Variants in KAZN observed in about 807,000 individuals in gnomAD.
The protein encoded by KAZN is kazrin.
KAZN carries 40 observed loss-of-function variants against 87.4 expected under a neutral mutation model. That is an observed-to-expected ratio of 0.46 (90% CI 0.36 to 0.60). KAZN has a LOEUF of 0.60. KAZN is among the 20% of genes least tolerant of loss of function. KAZN has a pLI of 0.00. For missense variants in KAZN, 898 were observed against 1,073.9 expected (o/e 0.84, Z 2.29); for synonymous variants, 466 against 458.3 (o/e 1.02, Z -0.22).
intron 2 of KAZN, among the ~76,000 whole-genome samples, chr1:14,436,737 A>C (rs1382698300): frequency 6.6e-6 from 1 of 150,912 alleles, no homozygotes; most frequent in Non-Finnish European, 1.5e-5. Context: ...AAAAAAAAAA[A>C]ACCTTAAAAC....
chr1:14,299,144 A>G (rs1301179121), intron 2 of KAZN, among the ~76,000 whole-genome samples: 3 of 152,234 alleles, frequency 2.0e-5, no homozygotes, highest in Non-Finnish European at 2.9e-5. Flanking sequence ...AAACACAAAC[A>G]TGATTCCTAC....
At chr1:14,476,782 T>G (rs1054099302) in intron 2 of KAZN, among the ~76,000 whole-genome samples, 35 of 152,208 alleles carry the variant, frequency 2.3e-4, no homozygotes, top group African/African-American at 8.2e-4. Flanking sequence ...TTCCAAATTC[T>G]TTGCTGCACC....
chr1:13,976,973 A>T (rs940374170), intron 1 of KAZN, among the ~76,000 whole-genome samples: 1 of 152,192 alleles, frequency 6.6e-6, no homozygotes, highest in Non-Finnish European at 1.5e-5. Context: ...ATTTTTCTTC[A>T]TCTTAGTAGG....
At position 15,077,657 on chromosome 1, in the gene KAZN, G is replaced by T. The variant is rs1639818891; in HGVS notation, c.1222+11904G>T. 6.6e-6 allele frequency among the ~76,000 whole-genome samples: 1 copy of T among 152,220 alleles called. No homozygotes were observed. The highest frequency in any genetic ancestry group is 1.5e-5 in the Non-Finnish European group (1 of 68,038). On this transcript the variant is annotated intron_variant, in intron 8 of 14. Transcript: ENST00000376030. The surrounding 1 kb of genome is among the most constrained non-coding windows in gnomAD (Gnocchi z 4.8). ...GAGTCTCTGGGACTCAGAGATGGGGGTTGGGGGTTTCACCTTCAGGTGAAG... is the reference window on the plus strand; with the variant it reads ...GAGTCTCTGGGACTCAGAGATGGGGTTTGGGGGTTTCACCTTCAGGTGAAG...
At chr1:15,051,060 T>C (rs370568415) in intron 4 of KAZN, among the ~76,000 whole-genome samples, 2 of 152,220 alleles carry the variant, frequency 1.3e-5, no homozygotes, top group East Asian at 1.9e-4. Context: ...CAGTGCCCGT[T>C]TGGCGCAGTG....
intron 2 of KAZN, among the ~76,000 whole-genome samples, chr1:14,970,142 A>G (rs950815109): frequency 2.0e-5 from 3 of 152,162 alleles, no homozygotes; most frequent in Non-Finnish European, 4.4e-5. Flanking sequence ...ATAATTAATA[A>G]TCATCATCAT....
intron 1 of KAZN, among the ~76,000 whole-genome samples, chr1:14,034,113 T>C (rs1185516738): frequency 1.3e-5 from 2 of 152,250 alleles, no homozygotes; most frequent in Non-Finnish European, 2.9e-5. Flanking sequence ...AAATCTCCGC[T>C]ATGGGTAATA....
At chr1:14,669,973 G>T (rs1639816752) in intron 1 of KAZN, among the ~76,000 whole-genome samples, 1 of 152,052 alleles carries the variant, frequency 6.6e-6, no homozygotes, top group Non-Finnish European at 1.5e-5. Context: ...TTGACTTGAG[G>T]AGTCATCTTT....
chr1:14,464,677 T>C (rs1668022666), intron 2 of KAZN, among the ~76,000 whole-genome samples: 1 of 152,024 alleles, frequency 6.6e-6, no homozygotes, highest in Non-Finnish European at 1.5e-5. Flanking sequence ...TGGCTGGGAC[T>C]ACAGATACAT....
At chr1:14,634,785 T>C (rs569429398) in intron 1 of KAZN, among the ~76,000 whole-genome samples, 16 of 152,134 alleles carry the variant, frequency 1.1e-4, no homozygotes, top group Non-Finnish European at 1.5e-4. Context: ...GAATGCACAG[T>C]CCGTTTTTCT....
intron 2 of KAZN, among the ~76,000 whole-genome samples, chr1:14,367,666 C>T (rs547117308): frequency 6.6e-6 from 1 of 152,144 alleles, no homozygotes; most frequent in Non-Finnish European, 1.5e-5. Context: ...CATCACCCCA[C>T]CCCTTCTCTT....
At chr1:14,548,344 G>A (rs1242306471) in intron 2 of KAZN, among the ~76,000 whole-genome samples, 6 of 151,770 alleles carry the variant, frequency 4.0e-5, no homozygotes, top group East Asian at 1.9e-4. Flanking sequence ...GACTACAGGC[G>A]CCCACCACCA....
intron 1 of KAZN, among the ~76,000 whole-genome samples, chr1:14,877,741 A>G (rs1194178075): frequency 6.6e-6 from 1 of 152,202 alleles, no homozygotes; most frequent in African/African-American, 2.4e-5. Context: ...TGGGGGCAAA[A>G]TGAGTGAATA....
At chr1:14,180,356 T>C (rs1646171103) in intron 1 of KAZN, 2 of 1,326,662 alleles carry the variant, frequency 1.5e-6, no homozygotes, top group Non-Finnish European at 2.1e-6. Context: ...CCCTTACTTT[T>C]CTCTTCAAAA....
intron 1 of KAZN, among the ~76,000 whole-genome samples, chr1:14,103,366 A>G (rs887243414): frequency 7.2e-5 from 11 of 152,306 alleles, no homozygotes; most frequent in South Asian, 2.1e-4. Context: ...TATAAATTGG[A>G]GTGAATGGGA....
intron 1 of KAZN, among the ~76,000 whole-genome samples, chr1:14,852,059 T>C (rs1293762123): frequency 1.3e-5 from 2 of 152,146 alleles, no homozygotes; most frequent in African/African-American, 4.8e-5. Context: ...GCAATTTGTT[T>C]CTCCTTTCAA....
At chr1:14,391,756 G>A (rs972993945) in intron 2 of KAZN, among the ~76,000 whole-genome samples, 8 of 152,144 alleles carry the variant, frequency 5.3e-5, no homozygotes, top group African/African-American at 1.9e-4. Flanking sequence ...GTAAGATTCA[G>A]GCTTTTGTTT....
At chr1:14,344,244 T>C (rs1045854483) in intron 2 of KAZN, among the ~76,000 whole-genome samples, 1 of 148,966 alleles carries the variant, frequency 6.7e-6, no homozygotes, top group Admixed American at 6.8e-5. Context: ...CAGTCACAGA[T>C]GGCAACTGAA....
intron 1 of KAZN, among the ~76,000 whole-genome samples, chr1:14,816,715 G>C (rs1311957892): frequency 2.0e-5 from 3 of 152,156 alleles, no homozygotes; most frequent in African/African-American, 7.2e-5. Context: ...TAAATTGATA[G>C]ACACATACAT....
Sources: allele counts gnomAD v4.1 joint callset (sites outside exome capture counted in the v4.1 genomes callset), GRCh38; gene constraint gnomAD v4.1.1; non-coding constraint Gnocchi (gnomAD v3.1); transcripts MANE v1.5; gene names NCBI Gene and HGNC (gene_info 2026-07-23, HGNC 2026-07-21).